Variants in ERMP1 observed in about 807,000 individuals in gnomAD.
ERMP1 encodes the protein endoplasmic reticulum metallopeptidase 1.
A neutral mutation model predicts 92.0 loss-of-function variants in ERMP1; 86 were observed. That is an observed-to-expected ratio of 0.93 (90% CI 0.79 to 1.12). ERMP1 has a LOEUF of 1.12. Among genes scored for constraint, ERMP1 ranks in the 50% most tolerant of loss-of-function variants. The pLI is 0.00. For missense variants in ERMP1, 1,342 were observed against 1,116.3 expected, an observed-to-expected ratio of 1.20 and a Z score of -2.88; for synonymous variants, 530 against 412.8, an observed-to-expected ratio of 1.28 and a Z score of -3.44.
chr9:5,791,324 T>C (rs1389211358), intron 13 of ERMP1: 1 of 456,096 alleles, frequency 2.2e-6, no homozygotes, highest in Non-Finnish European at 4.4e-6. Context: ...GGCAGTCTGC[T>C]AGCAGAATTC....
At chr9:5,840,969 T>C (rs1830156081) in intron 6 of ERMP1, among the ~76,000 whole-genome samples, 1 of 152,248 alleles carries the variant, frequency 6.6e-6, no homozygotes, top group African/African-American at 2.4e-5. Context: ...ACTTGTCACA[T>C]GAGCCTGAGG....
At chr9:5,844,773 A>G (rs544382720) in intron 6 of ERMP1, among the ~76,000 whole-genome samples, 2 of 152,292 alleles carry the variant, frequency 1.3e-5, no homozygotes, top group South Asian at 2.1e-4. Context: ...TCAGCCTTGC[A>G]GGAAACCATA....
intron 13 of ERMP1, among the ~76,000 whole-genome samples, chr9:5,795,844 CA>C (rs908552785): frequency 1.3e-5 from 2 of 151,854 alleles, no homozygotes; most frequent in African/African-American, 4.8e-5. Context: ...AAAACAAAAA[CA>C]AAAACAAATC....
intron 8 of ERMP1, 83 bp from the exon 9 acceptor site, chr9:5,805,868 A>G (rs1467260281): frequency 9.3e-7 from 1 of 1,072,100 alleles, no homozygotes; most frequent in Admixed American, 3.1e-5. Context: ...ACTTTCCATC[A>G]CTCAGGAAAG....
intron 5 of ERMP1, 79 bp from the exon 6 acceptor site, chr9:5,812,296 T>A: frequency 1.3e-6 from 1 of 791,480 alleles, no homozygotes; most frequent in Non-Finnish European, 2.0e-6. Flanking sequence ...CTTTAATAAA[T>A]TCCTAAAAGA....
chr9:5,865,864 T>TAATAATATA (rs1830644716), intron 5 of ERMP1, among the ~76,000 whole-genome samples: 1 of 146,122 alleles, frequency 6.8e-6, no homozygotes, highest in Non-Finnish European at 1.5e-5. Context: ...AAAATGATAA[T>TAATAATATA]ATAAGTAAAT....
At chr9:5,858,707 C>A (rs1017811482) in intron 6 of ERMP1, among the ~76,000 whole-genome samples, 1 of 152,208 alleles carries the variant, frequency 6.6e-6, no homozygotes. Context: ...CAAATCACAT[C>A]ATGCATGGCC....
rs1828239725 is a variant in ERMP1 at position 5,792,504 on chromosome 9, ATCT to A, written c.2387-4914_2387-4912del. Among the ~76,000 whole-genome samples, 3 of 152,212 alleles carry A rather than the reference ATCT, an allele frequency of 2.0e-5. No individual in the cohort carries two copies. The South Asian group carries it at 6.2e-4, about 32-fold the overall frequency. On this transcript the variant is annotated intron_variant, in intron 13 of 14. Transcript: ENST00000339450. ...TCTGACACTAAAAGTTTTTCAGTAA[ATCT>A]TCTTAAAAATCATAACCAGTCTCAA... is the stretch of plus-strand genomic sequence containing the variant.
chr9:5,846,480 A>G (rs1293656914), intron 6 of ERMP1, among the ~76,000 whole-genome samples: 1 of 152,208 alleles, frequency 6.6e-6, no homozygotes, highest in Non-Finnish European at 1.5e-5. Flanking sequence ...ATTAAATGAT[A>G]TAAGTATGGG....
chr9:5,859,191 G>C (rs147771452), intron 6 of ERMP1, among the ~76,000 whole-genome samples: 7 of 151,994 alleles, frequency 4.6e-5, no homozygotes, highest in African/African-American at 1.7e-4. Flanking sequence ...TAATTATTTA[G>C]CAGGAAGTCC....
In ERMP1 at chr9:5,861,981, T is replaced by C. The variant is rs527285563; in HGVS notation, n.3056-2370A>G. On this transcript the variant is annotated intron_variant and non_coding_transcript_variant, in intron 5 of 6. Transcript: ENST00000690753. ...CACTAGTCCTTTAAAAGTTAAAGTT[T>C]TTTAAAAAATCACATTTTAATTTTT... Among the ~76,000 whole-genome samples, 48 of 152,168 alleles carry C rather than the reference T, an allele frequency of 3.2e-4. No homozygotes were observed. The South Asian group carries it at 9.6e-3, about 30-fold the overall frequency.
intron 5 of ERMP1, among the ~76,000 whole-genome samples, chr9:5,861,979 T>G (rs1230877892): frequency 6.6e-6 from 1 of 151,902 alleles, no homozygotes; most frequent in Admixed American, 6.6e-5. Flanking sequence ...AAAGTTAAAG[T>G]TTTTTAAAAA....
At chr9:5,852,210 A>C (rs1830318096) in intron 6 of ERMP1, among the ~76,000 whole-genome samples, 1 of 151,994 alleles carries the variant, frequency 6.6e-6, no homozygotes, top group South Asian at 2.1e-4. Flanking sequence ...TTAAGTATTC[A>C]CTTTAGATGT....
chr9:5,800,790 C>A (rs954522694), intron 11 of ERMP1, among the ~76,000 whole-genome samples: 1 of 152,228 alleles, frequency 6.6e-6, no homozygotes, highest in African/African-American at 2.4e-5. Context: ...TTTACTAGCA[C>A]TTCTAAACAT....
chr9:5,815,494 CAAAAAA>C (rs3068691), intron 4 of ERMP1, among the ~76,000 whole-genome samples: 11 of 97,422 alleles, frequency 1.1e-4, no homozygotes, highest in South Asian at 2.8e-4. Flanking sequence ...ACTGAAATAA[CAAAAAA>C]AAAAAAAAAA....
At chr9:5,800,681 AAG>A (rs1382168763) in intron 11 of ERMP1, among the ~76,000 whole-genome samples, 13 of 152,242 alleles carry the variant, frequency 8.5e-5, no homozygotes, top group African/African-American at 2.9e-4. Context: ...ATTTTAAAAA[AAG>A]AGAAAAGAAA....
intron 6 of ERMP1, among the ~76,000 whole-genome samples, chr9:5,847,891 T>A: frequency 6.9e-6 from 1 of 144,600 alleles, no homozygotes; most frequent in Admixed American, 6.9e-5. Flanking sequence ...CGAGACTCCG[T>A]CTAAAAAAAT....
chr9:5,819,724 G>A (rs759805049), intron 4 of ERMP1, among the ~76,000 whole-genome samples: 4 of 152,024 alleles, frequency 2.6e-5, no homozygotes, highest in Non-Finnish European at 5.9e-5. Context: ...CTGTTATTTA[G>A]ATTAACAATC....
intron 8 of ERMP1, among the ~76,000 whole-genome samples, chr9:5,806,054 G>A (rs182843699): frequency 7.2e-4 from 110 of 152,286 alleles, no homozygotes; most frequent in African/African-American, 2.5e-3. Flanking sequence ...TAGGCTAAAA[G>A]TAGAAATTTT....
Sources: allele counts gnomAD v4.1 joint callset (sites outside exome capture counted in the v4.1 genomes callset), GRCh38; gene constraint gnomAD v4.1.1; transcripts MANE v1.5; gene names NCBI Gene and HGNC (gene_info 2026-07-23, HGNC 2026-07-21).